EPHA5: variants seen among roughly 807,000 people sequenced by gnomAD.
The protein encoded by EPHA5 is EPH receptor A5.
A neutral mutation model predicts 105.0 loss-of-function variants in EPHA5; 60 were observed. The ratio of observed to expected loss-of-function variants is 0.57; its 90% confidence interval spans 0.46 to 0.71. The LOEUF (loss-of-function observed/expected upper bound fraction) is 0.71. EPHA5 is among the 30% of genes least tolerant of loss of function. EPHA5 has a pLI of 0.00. For synonymous variants in EPHA5, 513 were observed against 449.1 expected, an observed-to-expected ratio of 1.14 and a Z score of -1.80; for missense variants, 1,218 against 1,274.7, an observed-to-expected ratio of 0.96 and a Z score of 0.68.
chr4:65,436,045 A>G (rs971629593), intron 5 of EPHA5, among the ~76,000 whole-genome samples: 6 of 152,030 alleles, frequency 3.9e-5, no homozygotes, highest in African/African-American at 1.4e-4. Flanking sequence ...GATAATGATA[A>G]CAACCCTTAG....
chr4:65,398,587 T>G (rs192358845), intron 8 of EPHA5, among the ~76,000 whole-genome samples: 45 of 152,288 alleles, frequency 3.0e-4, no homozygotes, highest in Non-Finnish European at 5.9e-4. Flanking sequence ...TTCTCTCGCC[T>G]GCCTATGGCT....
At chr4:65,605,707 A>C (rs569395067) in intron 2 of EPHA5, among the ~76,000 whole-genome samples, 2 of 152,170 alleles carry the variant, frequency 1.3e-5, no homozygotes, top group African/African-American at 4.8e-5. Flanking sequence ...ACTTTGGAGT[A>C]GACATCTGAA....
intron 5 of EPHA5, among the ~76,000 whole-genome samples, chr4:65,425,601 T>A (rs1250574997): frequency 6.6e-6 from 1 of 151,744 alleles, no homozygotes; most frequent in African/African-American, 2.4e-5. Context: ...TTCTTCTTTT[T>A]AAAAAATATT....
At chr4:65,441,569 G>C (rs1726018157) in intron 5 of EPHA5, among the ~76,000 whole-genome samples, 1 of 151,928 alleles carries the variant, frequency 6.6e-6, no homozygotes, top group African/African-American at 2.4e-5. Flanking sequence ...GAGAGGAAGA[G>C]ATAAAGTAAG....
At chr4:65,536,016 A>T (rs1170383159) in intron 3 of EPHA5, among the ~76,000 whole-genome samples, 1 of 152,014 alleles carries the variant, frequency 6.6e-6, no homozygotes, top group Non-Finnish European at 1.5e-5. Context: ...GCTTTATAAG[A>T]ACTTTAAAAG....
chr4:65,418,862 C>CTTTTTTTTTTTTTT lies in EPHA5; in HGVS notation c.1527+1565_1527+1578dup, dbSNP rs575608289. Among the ~76,000 whole-genome samples, 57 of 47,072 alleles carry CTTTTTTTTTTTTTT rather than the reference C, an allele frequency of 1.2e-3. 9 individuals carry two copies. The highest frequency in any genetic ancestry group is 1.4e-3 in the African/African-American group (13 of 9,088). The allele number at this position is 47,072 out of a possible 152,430, so 30.9% of individuals were successfully genotyped here. On this transcript the variant is annotated intron_variant, in intron 6 of 16. Coordinates refer to ENST00000613740, the MANE Select transcript of EPHA5 (RefSeq NM_001281766.3). ...AACATTCAATACACTTACCTAAACT[C>CTTTTTTTTTTTTTT]TTTTTTTTTTTTTTTTTTTTTTTTT... is the stretch of plus-strand genomic sequence containing the variant.
At chr4:65,611,807 A>G (rs1744785658) in intron 2 of EPHA5, among the ~76,000 whole-genome samples, 2 of 152,016 alleles carry the variant, frequency 1.3e-5, no homozygotes, top group Non-Finnish European at 2.9e-5. Context: ...CAGCCACATT[A>G]GGGCTGTTAG....
In EPHA5 at chr4:65,433,970, G is replaced by A. The variant is rs895822480; in HGVS notation, c.1403-13405C>T. Among the ~76,000 whole-genome samples the A allele has an allele frequency of 2.6e-5, 4 of 152,124 alleles. No individual in the cohort carries two copies. In the East Asian group the frequency reaches 5.8e-4, roughly 22 times the overall value. ...CTCGGGAGGCTGATGCAAGAGAATC[G>A]CTTGAACCCGGGAGGCGGAAGTTGC... On this transcript the variant is annotated intron_variant, in intron 5 of 16. Coordinates refer to ENST00000613740, the MANE Select transcript of EPHA5 (RefSeq NM_001281766.3).
At chr4:65,577,270 G>C (rs1189058231) in intron 3 of EPHA5, among the ~76,000 whole-genome samples, 5 of 152,018 alleles carry the variant, frequency 3.3e-5, no homozygotes, top group African/African-American at 1.2e-4. Flanking sequence ...ATGAAAAGCT[G>C]TTTTTAAAAT....
intron 2 of EPHA5, among the ~76,000 whole-genome samples, chr4:65,608,189 TTAAAG>T (rs1158083381): frequency 1.3e-5 from 2 of 152,050 alleles, no homozygotes; most frequent in Non-Finnish European, 2.9e-5. Context: ...ATCCCAGAGC[TTAAAG>T]TATTTTAAAA....
intron 3 of EPHA5, among the ~76,000 whole-genome samples, chr4:65,583,433 T>C (rs1402393005): frequency 6.6e-6 from 1 of 151,838 alleles, no homozygotes; most frequent in African/African-American, 2.4e-5. Flanking sequence ...TTTTCTAGAT[T>C]GGAATGGCAT....
intron 16 of EPHA5, among the ~76,000 whole-genome samples, chr4:65,330,168 C>T (rs891694785): frequency 4.6e-5 from 7 of 151,342 alleles, no homozygotes; most frequent in African/African-American, 1.7e-4. Flanking sequence ...TGTAACTTTA[C>T]TCTTCTGGTC....
chr4:65,582,398 T>C (rs1368498227), intron 3 of EPHA5, among the ~76,000 whole-genome samples: 1 of 150,838 alleles, frequency 6.6e-6, no homozygotes, highest in East Asian at 2.0e-4. Context: ...TCTTTGCTCA[T>C]AAAATATCTT....
At chr4:65,503,533 T>G (rs1732700894) in intron 3 of EPHA5, among the ~76,000 whole-genome samples, 1 of 151,786 alleles carries the variant, frequency 6.6e-6, no homozygotes, top group Non-Finnish European at 1.5e-5. Context: ...AGGACAGGAA[T>G]ACTATTGAAA....
At chr4:65,590,136 T>C (rs1441605912) in intron 3 of EPHA5, among the ~76,000 whole-genome samples, 2 of 152,176 alleles carry the variant, frequency 1.3e-5, no homozygotes, top group Non-Finnish European at 2.9e-5. Flanking sequence ...CAAATTATCA[T>C]TTGCTCTAAT....
chr4:65,525,046 A>G (rs1360785792), intron 3 of EPHA5, among the ~76,000 whole-genome samples: 1 of 151,662 alleles, frequency 6.6e-6, no homozygotes, highest in East Asian at 1.9e-4. Flanking sequence ...CATCTTTTAA[A>G]TTTCATGTAT....
intron 3 of EPHA5, among the ~76,000 whole-genome samples, chr4:65,537,613 T>C (rs1422145215): frequency 6.6e-6 from 1 of 151,750 alleles, no homozygotes; most frequent in African/African-American, 2.4e-5. Context: ...GCATATTTGG[T>C]ATATCTAAGG....
At chr4:65,651,379 A>G (rs1748595433) in intron 1 of EPHA5, among the ~76,000 whole-genome samples, 1 of 152,206 alleles carries the variant, frequency 6.6e-6, no homozygotes, top group Admixed American at 6.5e-5. Flanking sequence ...TTGAAGAGGA[A>G]GACATACTAA....
chr4:65,596,910 C>T (rs1330403389), intron 3 of EPHA5, among the ~76,000 whole-genome samples: 1 of 152,122 alleles, frequency 6.6e-6, no homozygotes, highest in East Asian at 1.9e-4. Context: ...TGCATGGACA[C>T]CTAATATACC....
Sources: allele counts gnomAD v4.1 joint callset (sites outside exome capture counted in the v4.1 genomes callset), GRCh38; gene constraint gnomAD v4.1.1; transcripts MANE v1.5; gene names NCBI Gene and HGNC (gene_info 2026-07-23, HGNC 2026-07-21).